Variants in OPRL1 observed in about 807,000 individuals in gnomAD.
OPRL1 encodes nociceptin receptor.
Under a neutral mutation model 15.5 loss-of-function variants are expected in OPRL1, and 5 were observed. The ratio of observed to expected loss-of-function variants is 0.32; its 90% CI spans 0.17 to 0.68. The LOEUF is 0.68. OPRL1 is among the 30% of genes least tolerant of loss of function. The pLI, the probability that OPRL1 is intolerant of heterozygous loss-of-function variation, is 0.72. For synonymous variants in OPRL1, 223 were observed against 230.2 expected (o/e 0.97, Z 0.28); for missense variants, 406 against 515.3 (o/e 0.79, Z 2.05).
chr20:64,084,040 G>C, intron 1 of OPRL1: 2 of 1,502,852 alleles, frequency 1.3e-6, no homozygotes, highest in Non-Finnish European at 1.8e-6. Flanking sequence ...GCAGATGGCG[G>C]TGGCGCTGCG....
rs1222168509 is a variant in OPRL1, at chr20:64,083,189, C to A, written c.-185+2837C>A. Among the ~76,000 whole-genome samples the A allele has an allele frequency of 6.6e-6, 1 of 152,198 alleles. No individual in the cohort carries two copies. Among genetic ancestry groups the A allele is most frequent in the African/African-American group, 2.4e-5 (1 of 41,444 alleles). On this transcript the variant is annotated intron_variant, in intron 1 of 4. Transcript: ENST00000336866. This position sits in a 1 kb window ranked among gnomAD's most constrained non-coding sequence, Gnocchi z 4.9. ...GCCAGGTTGCCAGTGGGGGGCAGAT[C>A]GGGATTAGGGGTAGGCGTGTCCCTG...
At chr20:64,088,901 G>C (rs1569272101) in intron 1 of OPRL1, among the ~76,000 whole-genome samples, 1 of 150,916 alleles carries the variant, frequency 6.6e-6, no homozygotes, top group African/African-American at 2.4e-5. Context: ...GAGTGGCCAG[G>C]GTCTGTGCAG....
At chr20:64,085,276 T>A (rs941323462) in intron 1 of OPRL1, 2 of 152,150 alleles carry the variant, frequency 1.3e-5, no homozygotes, top group Non-Finnish European at 2.9e-5. Flanking sequence ...ACCTTTGTGG[T>A]TAAGGCCCAT....
chr20:64,085,663 C>T (rs948797728), intron 1 of OPRL1, among the ~76,000 whole-genome samples: 3 of 152,180 alleles, frequency 2.0e-5, no homozygotes, highest in Non-Finnish European at 4.4e-5. Context: ...TCTATTACTT[C>T]CACGAGATGT....
intron 1 of OPRL1, among the ~76,000 whole-genome samples, chr20:64,082,724 G>C (rs1001807134): frequency 2.0e-5 from 3 of 151,882 alleles, no homozygotes; most frequent in African/African-American, 7.3e-5. Flanking sequence ...TCAGAGTCCA[G>C]GGATTTTGTA....
intron 1 of OPRL1, chr20:64,084,393 C>G: frequency 2.4e-6 from 3 of 1,273,794 alleles, no homozygotes; most frequent in Non-Finnish European, 9.9e-7. Context: ...GGCGCTCTCC[C>G]TCTCCCAAGC....
intron 1 of OPRL1, among the ~76,000 whole-genome samples, chr20:64,082,167 G>A (rs561456536): frequency 6.6e-6 from 1 of 152,212 alleles, no homozygotes; most frequent in East Asian, 1.9e-4. Flanking sequence ...AGCACATCAG[G>A]GTGTGAGTGG....
Position 64,098,153 on chromosome 20 carries a change from T to C in OPRL1, c.585T>C (p.Asp195=). 1 of 1,612,604 alleles carries C rather than the reference T, an allele frequency of 6.2e-7. No homozygotes were observed. Among genetic ancestry groups the C allele is most frequent in the Non-Finnish European group, 8.5e-7 (1 of 1,179,534 alleles). The part of the protein sequence containing the change: ...VAIMGSAQVE[D]EEIECLVEIP... ...TCATGGGCTCGGCACAGGTCGAGGA[T>C]GAAGGTCAGTGGGGTGTCCCCTCCT... The change falls in exon 4 of 5, where the codon GAT becomes GAC. Residue 195 remains aspartate, a synonymous_variant. Transcript: ENST00000336866.
At chr20:64,082,038 T>A (rs1036292854) in intron 1 of OPRL1, among the ~76,000 whole-genome samples, 1 of 152,162 alleles carries the variant, frequency 6.6e-6, no homozygotes, top group Non-Finnish European at 1.5e-5. Flanking sequence ...TATGTGATTC[T>A]CCCAGTAGAT....
At chr20:64,084,322 C>T (rs1340611056) in intron 1 of OPRL1, 1 of 1,291,184 alleles carries the variant, frequency 7.7e-7, no homozygotes, top group Non-Finnish European at 9.8e-7. Context: ...CCAGCTCCCG[C>T]CCGCTGGGCT....
intron 1 of OPRL1, chr20:64,084,199 C>G: frequency 7.0e-7 from 1 of 1,426,898 alleles, no homozygotes. Context: ...TGCGCCCGCC[C>G]TCCTTCGCTG....
At position 64,090,638 on chromosome 20, in the gene OPRL1, T is replaced by C. The variant is rs770719822; in HGVS notation, c.-184-1328T>C. On this transcript the variant is annotated intron_variant, in intron 1 of 4. Transcript: ENST00000336866. This position sits in a 1 kb window ranked among gnomAD's most constrained non-coding sequence, Gnocchi z 4.9. ...ACCTGTGACCTTTCATCTCAGTGGA[T>C]CAGGCATGGGACCCCCGTGCTGAGA... 6.6e-6 allele frequency among the ~76,000 whole-genome samples: 1 copy of C among 152,174 alleles called. No individual in the cohort carries two copies. The highest frequency in any genetic ancestry group is 1.5e-5 in the Non-Finnish European group (1 of 68,012).
At chr20:64,081,443 G>T (rs922905716) in intron 1 of OPRL1, among the ~76,000 whole-genome samples, 1 of 152,144 alleles carries the variant, frequency 6.6e-6, no homozygotes, top group East Asian at 1.9e-4. Context: ...ATGCAGCTGT[G>T]GGCAGCTGGC....
At chr20:64,088,902 G>T (rs62218113) in intron 1 of OPRL1, among the ~76,000 whole-genome samples, 1 of 7,002 alleles carries the variant, frequency 1.4e-4, no homozygotes, top group Non-Finnish European at 3.3e-4. Flanking sequence ...AGTGGCCAGG[G>T]TCTGTGCAGA....
chr20:64,095,519 A>G (rs537895332), intron 3 of OPRL1, among the ~76,000 whole-genome samples: 1 of 151,550 alleles, frequency 6.6e-6, no homozygotes, highest in East Asian at 1.9e-4. Context: ...CCTCAAATCT[A>G]TCCAGAGAAG....
Position 64,083,859 on chromosome 20 carries a change from C to T in OPRL1, c.-185+3507C>T, listed in dbSNP as rs1412194107. 1.4e-6 allele frequency: 2 copies of T among 1,414,752 alleles called. No individual in the cohort carries two copies. Among genetic ancestry groups the T allele is most frequent in the East Asian group, 6.1e-5 (2 of 32,560 alleles). 87.6% of individuals were successfully genotyped at this position (1,414,752 alleles called of 1,614,324 possible). On this transcript the variant is annotated intron_variant, in intron 1 of 4. Transcript: ENST00000336866. The surrounding 1 kb of genome is among the most constrained non-coding windows in gnomAD (Gnocchi z 4.9). ...CGCAGCCGCAGGGCGCGGACTCGCC[C>T]GCGGGCCTCCGCTGCCTTGAGGACG...
Position 64,097,720 on chromosome 20 carries a change from G to A in OPRL1, c.234-82G>A. 4 of 1,227,768 alleles carry A rather than the reference G, an allele frequency of 3.3e-6. No homozygotes were observed. Among genetic ancestry groups the A allele is most frequent in the East Asian group, 2.3e-5 (1 of 42,798 alleles). 76.1% of individuals were successfully genotyped at this position (1,227,768 alleles called of 1,614,324 possible). On this transcript the variant is annotated intron_variant, in intron 3 of 4. Transcript: ENST00000336866. The surrounding 1 kb of genome is among the most constrained non-coding windows in gnomAD (Gnocchi z 4.2). ...CTCAGGGCCACTGTAGCTTGTGGTGGCCAAGAGGAGCCCCTTGCCCTTTGC... is the reference window on the plus strand; with the variant it reads ...CTCAGGGCCACTGTAGCTTGTGGTGACCAAGAGGAGCCCCTTGCCCTTTGC...
At chr20:64,093,220 T>C (rs1422306040) in intron 3 of OPRL1, among the ~76,000 whole-genome samples, 5 of 151,594 alleles carry the variant, frequency 3.3e-5, no homozygotes, top group African/African-American at 7.3e-5. Flanking sequence ...TGGTTTGAGC[T>C]GTGGACCAGG....
Position 64,090,126 on chromosome 20 carries a change from G to A in OPRL1, c.-184-1840G>A, listed in dbSNP as rs867230913. Among the ~76,000 whole-genome samples, 5 of 152,188 alleles carry A rather than the reference G, an allele frequency of 3.3e-5. No homozygotes were observed. The highest frequency in any genetic ancestry group is 7.3e-5 in the Non-Finnish European group (5 of 68,032). On this transcript the variant is annotated intron_variant, in intron 1 of 4. Transcript: ENST00000336866. This position sits in a 1 kb window ranked among gnomAD's most constrained non-coding sequence, Gnocchi z 4.9. ...CCCATGTGCCTGCGTGCACGTTGGCGTCATCTTGCATGTGTGTGGCCCGTG... is the reference window on the plus strand; with the variant it reads ...CCCATGTGCCTGCGTGCACGTTGGCATCATCTTGCATGTGTGTGGCCCGTG...
Sources: allele counts gnomAD v4.1 joint callset (sites outside exome capture counted in the v4.1 genomes callset), GRCh38; gene constraint gnomAD v4.1.1; non-coding constraint Gnocchi (gnomAD v3.1); transcripts MANE v1.5; gene names NCBI Gene and HGNC (gene_info 2026-07-23, HGNC 2026-07-21).